The following PMFBP1 variants were observed in gnomAD, a reference collection of about 807,000 sequenced individuals.
PMFBP1 encodes polyamine modulated factor 1 binding protein 1.
Under a neutral mutation model 137.8 loss-of-function variants are expected in PMFBP1, and 131 were observed. The ratio of observed to expected loss-of-function variants is 0.95; its 90% CI spans 0.82 to 1.10. PMFBP1 has a LOEUF of 1.10. Among genes scored for constraint, PMFBP1 ranks in the 50% least tolerant of loss-of-function variants. The pLI, the probability that PMFBP1 is intolerant of heterozygous loss-of-function variation, is 0.00. For missense variants in PMFBP1, 1,199 were observed against 1,175.4 expected, an observed-to-expected ratio of 1.02 and a Z score of -0.29; for synonymous variants, 490 against 450.4, an observed-to-expected ratio of 1.09 and a Z score of -1.11.
chr16:72,179,147 G>A (rs140571167), upstream of PMFBP1, among the ~76,000 whole-genome samples: 194 of 152,254 alleles, frequency 1.3e-3, no homozygotes, highest in Non-Finnish European at 2.1e-3. Flanking sequence ...TTTTGAGGGC[G>A]ATATTATCAA....
the PMFBP1 span, among the ~76,000 whole-genome samples, chr16:72,239,731 A>C: frequency 4.7e-4 from 72 of 152,070 alleles, 2 homozygotes; most frequent in East Asian, 0.014. Flanking sequence ...GTCTCTACTA[A>C]AGATACAAAA....
chr16:72,150,623 G>C lies in PMFBP1; in HGVS notation c.621C>G (p.Gly207=), dbSNP rs769575745. ...CQVKMLQGEL[G]GIMGQEPENK... ...TAAGTCCTACCTGACCCATGATCCC[G>C]CCGAGTTCCCCCTGCAACATCTTCA... Residue 207 remains glycine (G), a synonymous_variant, in exon 5 of 21, where the codon GGC becomes GGG. Coordinates refer to ENST00000237353, the MANE Select transcript of PMFBP1 (RefSeq NM_031293.3). The C allele has an allele frequency of 6.2e-7, 1 of 1,612,860 alleles. No individual in the cohort carries two copies. Among genetic ancestry groups the C allele is most frequent in the African/African-American group, 1.3e-5 (1 of 74,866 alleles).
chr16:72,225,278 C>A, the PMFBP1 span: 1 of 152,266 alleles, frequency 6.6e-6, no homozygotes, highest in East Asian at 1.9e-4. Context: ...AAATGATGCA[C>A]AGAAGGCACA....
At chr16:72,160,367 G>T (rs146643272) in intron 3 of PMFBP1, among the ~76,000 whole-genome samples, 1 of 152,138 alleles carries the variant, frequency 6.6e-6, no homozygotes, top group East Asian at 1.9e-4. Context: ...CAGTCTACAG[G>T]GACTTTCTTT....
chr16:72,157,150 C>A (rs571644946), intron 3 of PMFBP1, among the ~76,000 whole-genome samples: 1 of 138,074 alleles, frequency 7.2e-6, no homozygotes, highest in Non-Finnish European at 1.5e-5. Context: ...CACCACTGCA[C>A]GCCAGCCTGG....
At chr16:72,197,053 C>A in the PMFBP1 span, among the ~76,000 whole-genome samples, 1 of 151,316 alleles carries the variant, frequency 6.6e-6, no homozygotes, top group Non-Finnish European at 1.5e-5. Context: ...AATGATCAAG[C>A]AAGTCCAGGA....
intron 7 of PMFBP1, among the ~76,000 whole-genome samples, chr16:72,138,291 C>A (rs976586309): frequency 2.6e-5 from 4 of 152,144 alleles, no homozygotes; most frequent in East Asian, 1.9e-4. Flanking sequence ...GACTAGAGAA[C>A]CCCTTGGGGA....
At chr16:72,148,874 G>A (rs1412963303) in intron 5 of PMFBP1, among the ~76,000 whole-genome samples, 1 of 152,098 alleles carries the variant, frequency 6.6e-6, no homozygotes, top group Non-Finnish European at 1.5e-5. Flanking sequence ...AAACTGCTTT[G>A]CCCAAGGCCA....
intron 16 of PMFBP1, 88 bp from the exon 17 acceptor site, chr16:72,125,022 T>C (rs2042433482): frequency 2.0e-6 from 3 of 1,494,454 alleles, no homozygotes; most frequent in Non-Finnish European, 2.7e-6. Context: ...TTCCTGGGCC[T>C]TGGGATACGT....
the PMFBP1 span, among the ~76,000 whole-genome samples, chr16:72,235,726 T>G: frequency 3.2e-5 from 4 of 124,608 alleles, no homozygotes; most frequent in Middle Eastern, 7.5e-3. Context: ...ATTAAATTTA[T>G]TCCCAAGTTT....
intron 2 of PMFBP1, among the ~76,000 whole-genome samples, chr16:72,167,293 C>CT (rs34649143): frequency 4.0e-4 from 60 of 149,260 alleles, no homozygotes; most frequent in African/African-American, 1.4e-3. Flanking sequence ...AGTACCTGGA[C>CT]TTTTTTTTTT....
intron 10 of PMFBP1, 130 bp downstream of exon 10, chr16:72,132,618 G>C (rs2042565325): frequency 7.0e-7 from 1 of 1,433,106 alleles, no homozygotes; most frequent in East Asian, 2.3e-5. Flanking sequence ...ATGAGGCCCT[G>C]AGAAGGTCTG....
chr16:72,138,712 C>T (rs1164075695), intron 7 of PMFBP1, among the ~76,000 whole-genome samples: 2 of 151,898 alleles, frequency 1.3e-5, no homozygotes, highest in Non-Finnish European at 2.9e-5. Context: ...GATGGAGTTT[C>T]ACCAAGTTGG....
chr16:72,136,877 C>A (rs1433390327), intron 7 of PMFBP1, 58 bp from the exon 8 acceptor site: 1 of 1,605,954 alleles, frequency 6.2e-7, no homozygotes, highest in Non-Finnish European at 8.5e-7. Context: ...AGAGTGCTTT[C>A]TAAAATGCCC....
the PMFBP1 span, among the ~76,000 whole-genome samples, chr16:72,208,507 T>G: frequency 6.6e-6 from 1 of 152,256 alleles, no homozygotes; most frequent in Admixed American, 6.5e-5. Flanking sequence ...CTAATTATAT[T>G]TTCCCAAAGG....
chr16:72,179,263 A>G (rs150432869), upstream of PMFBP1, among the ~76,000 whole-genome samples: 145 of 152,344 alleles, frequency 9.5e-4, 1 homozygote, highest in African/African-American at 3.3e-3. Flanking sequence ...TCAGCAATCA[A>G]ACTGCATAAC....
intron 17 of PMFBP1, among the ~76,000 whole-genome samples, chr16:72,124,556 C>T (rs978510836): frequency 2.6e-5 from 4 of 152,362 alleles, no homozygotes; most frequent in East Asian, 1.9e-4. Flanking sequence ...ATGGGGCCTT[C>T]GCTCTGCTCA....
the PMFBP1 span, among the ~76,000 whole-genome samples, chr16:72,249,089 A>G: frequency 6.6e-6 from 1 of 152,152 alleles, no homozygotes; most frequent in South Asian, 2.1e-4. Context: ...GTGTAAGAAA[A>G]AAAAAAAGAT....
rs146453593 is a variant in PMFBP1, at chr16:72,161,761, C to T, written c.165+3003G>A. On this transcript the variant is annotated intron_variant, in intron 3 of 20. Coordinates refer to ENST00000237353, the MANE Select transcript of PMFBP1 (RefSeq NM_031293.3). ...TGGATTTCACCAGTTTTTCCACTAA[C>T]GTGTTTTTTCTGTTCCAATATCCAA... 5.9e-5 allele frequency among the ~76,000 whole-genome samples: 9 copies of T among 152,180 alleles called. No individual in the cohort carries two copies. In the East Asian group the frequency reaches 1.4e-3, roughly 23 times the overall value.
Sources: gnomAD v4.1 joint callset for allele counts (sites outside exome capture counted in the v4.1 genomes callset) on GRCh38, gnomAD v4.1.1 for gene constraint, MANE v1.5 for transcripts, NCBI Gene and HGNC (gene_info 2026-07-23, HGNC 2026-07-21) for gene names.